Variants in TDRD1 observed in about 807,000 individuals in gnomAD.
The protein encoded by TDRD1 is tudor domain containing 1, also known as tudor domain-containing protein 1.
In TDRD1, 37 loss-of-function variants were observed where a neutral mutation model predicts 140.6. The observed-to-expected ratio is 0.26, with a 90% CI of 0.20 to 0.35. The LOEUF (loss-of-function observed/expected upper bound fraction) is 0.35. Among genes scored for constraint, TDRD1 ranks in the 10% least tolerant of loss-of-function variants. The pLI, the probability that TDRD1 is intolerant of heterozygous loss-of-function variation, is 1.00. For synonymous variants in TDRD1, 506 were observed against 475.7 expected (o/e 1.06, Z -0.83); for missense variants, 1,243 against 1,393.0 (o/e 0.89, Z 1.71).
exon 2 of TDRD1, chr10:114,188,104 C>G (rs768580956): frequency 1.2e-5 from 19 of 1,609,940 alleles, no homozygotes; most frequent in Non-Finnish European, 1.5e-5. Context: ...ACCCGAATGG[C>G]ATCAACGGAG....
exon 15 of TDRD1, chr10:114,213,443 G>A (rs537147425): frequency 3.7e-6 from 6 of 1,614,084 alleles, no homozygotes; most frequent in South Asian, 3.3e-5. Flanking sequence ...TGGTGGACAA[G>A]TTGGAAAACA....
At chr10:114,218,371 A>T in intron 17 of TDRD1, 43 bp from the exon 18 acceptor site, 2 of 1,335,134 alleles carry the variant, frequency 1.5e-6, no homozygotes. Context: ...AAGTGTCGAT[A>T]GAAAGGAAAT....
intron 1 of TDRD1, among the ~76,000 whole-genome samples, chr10:114,184,189 TA>T (rs2033335166): frequency 1.3e-5 from 2 of 151,878 alleles, no homozygotes; most frequent in South Asian, 2.1e-4. Flanking sequence ...TTTTTTACTA[TA>T]AATAGGGTTG....
intron 21 of TDRD1, among the ~76,000 whole-genome samples, chr10:114,223,698 C>T (rs2036278583): frequency 2.0e-5 from 3 of 152,290 alleles, no homozygotes; most frequent in South Asian, 4.2e-4. Flanking sequence ...AAGCACTGTT[C>T]ACAGCTGAGC....
At chr10:114,213,511 T>C in exon 15 of TDRD1, 1 of 1,613,894 alleles carries the variant, frequency 6.2e-7, no homozygotes, top group East Asian at 2.2e-5. Context: ...GTTAGCAAAG[T>C]TCTCCTAGAT....
In TDRD1 at chr10:114,184,640, A is replaced by G. The variant is rs1233602639; in HGVS notation, c.-6-3186A>G. On this transcript the variant is annotated intron_variant, in intron 1 of 25. Coordinates refer to ENST00000251864, the Ensembl canonical transcript of TDRD1. ...AGGTTGAATAGCGTTTGAGTCTGCT[A>G]CAGTTTCTGGAGGTTCTTAATATTT... 2.0e-5 allele frequency among the ~76,000 whole-genome samples: 3 copies of G among 152,360 alleles called. No homozygotes were observed. The East Asian group carries it at 5.8e-4, about 29-fold the overall frequency.
At chr10:114,197,551 G>T (rs564911070) in intron 3 of TDRD1, among the ~76,000 whole-genome samples, 1 of 149,942 alleles carries the variant, frequency 6.7e-6, no homozygotes, top group Non-Finnish European at 1.5e-5. Context: ...GATGTTGGGC[G>T]CTTGATTTTT....
At chr10:114,222,198 A>G (rs1199972026) in intron 20 of TDRD1, among the ~76,000 whole-genome samples, 1 of 152,214 alleles carries the variant, frequency 6.6e-6, no homozygotes, top group East Asian at 1.9e-4. Context: ...GATCCTGACA[A>G]CATGTTGTAT....
In TDRD1 at chr10:114,205,116, G is replaced by A. The variant is rs547722071; in HGVS notation, c.1297+223G>A. On this transcript the variant is annotated intron_variant, in intron 10 of 25. Transcript: ENST00000251864. ...TTAGACTTCATGTGGGTGTAACTAC[G>A]ATCCCTTTAATAGAGCCATTATAAT... is the stretch of plus-strand genomic sequence containing the variant. Among the ~76,000 whole-genome samples, 217 of 152,260 alleles carry A rather than the reference G, an allele frequency of 1.4e-3. 2 individuals are homozygous for A. Among genetic ancestry groups the A allele is most frequent in the African/African-American group, 5.2e-3 (216 of 41,540 alleles).
At chr10:114,175,136 T>C (rs1370815782), upstream of TDRD1, among the ~76,000 whole-genome samples, 1 of 152,204 alleles carries the variant, frequency 6.6e-6, no homozygotes, top group East Asian at 1.9e-4. Context: ...GGTACTACAC[T>C]GAAGCACATT....
At chr10:114,201,331 A>G in intron 4 of TDRD1, 79 bp from the exon 5 acceptor site, 1 of 1,141,020 alleles carries the variant, frequency 8.8e-7, no homozygotes, top group Non-Finnish European at 1.3e-6. Flanking sequence ...CATGGCTAAT[A>G]GAATGATATT....
intron 1 of TDRD1, among the ~76,000 whole-genome samples, chr10:114,181,942 AAATC>A (rs1392939121): frequency 6.6e-6 from 1 of 152,192 alleles, no homozygotes; most frequent in African/African-American, 2.4e-5. Flanking sequence ...ATAGAACTGT[AAATC>A]AAAGAAATCA....
At chr10:114,229,938 C>T (rs147769579) in intron 25 of TDRD1, among the ~76,000 whole-genome samples, 1,796 of 151,998 alleles carry the variant, frequency 0.012, 31 homozygotes, top group African/African-American at 0.041. Flanking sequence ...TCATGCCATT[C>T]TCCTGCCTCA....
At chr10:114,193,039 A>G (rs946286855) in intron 3 of TDRD1, among the ~76,000 whole-genome samples, 2 of 152,160 alleles carry the variant, frequency 1.3e-5, no homozygotes, top group African/African-American at 4.8e-5. Context: ...AATTATTGAC[A>G]TATTTGCTGT....
rs112348745 is a variant in TDRD1 at position 114,184,170 on chromosome 10, ATT to A, written c.-6-3643_-6-3642del. ...AAAATGCATACTTATTTCAATTTGA[ATT>A]TTTTTTTTTTTTACTATAAATAGGG... On this transcript the variant is annotated intron_variant, in intron 1 of 25. Coordinates refer to ENST00000251864, the Ensembl canonical transcript of TDRD1. Among the ~76,000 whole-genome samples the A allele has an allele frequency of 9.7e-3, 1,419 of 146,734 alleles. 14 individuals are homozygous for A. Among genetic ancestry groups the A allele is most frequent in the African/African-American group, 0.034 (1,354 of 40,320 alleles).
chr10:114,177,206 G>A (rs572487910), upstream of TDRD1, among the ~76,000 whole-genome samples: 2 of 152,266 alleles, frequency 1.3e-5, no homozygotes, highest in African/African-American at 4.8e-5. Context: ...CATCCTCAAA[G>A]AGGGACAACA....
chr10:114,210,720 C>G, exon 12 of TDRD1: 1 of 1,611,102 alleles, frequency 6.2e-7, no homozygotes. Flanking sequence ...CACCAGAAGA[C>G]TTCTTTTGTC....
intron 19 of TDRD1, 59 bp from the exon 20 acceptor site, chr10:114,221,298 G>A: frequency 6.6e-7 from 1 of 1,519,336 alleles, no homozygotes. Context: ...ATGTTACTGA[G>A]GAAAACAACA....
intron 11 of TDRD1, among the ~76,000 whole-genome samples, 169 bp from the exon 12 acceptor site, chr10:114,210,412 T>A (rs2035405455): frequency 6.6e-6 from 1 of 152,222 alleles, no homozygotes; most frequent in Non-Finnish European, 1.5e-5. Flanking sequence ...GAGCTTATTA[T>A]AAACATTTAT....
Sources: allele counts gnomAD v4.1 joint callset (sites outside exome capture counted in the v4.1 genomes callset), GRCh38; gene constraint gnomAD v4.1.1; transcripts MANE v1.5; gene names NCBI Gene and HGNC (gene_info 2026-07-23, HGNC 2026-07-21).